The following FBXO31 variants were observed in gnomAD, a reference collection of about 807,000 sequenced individuals.
FBXO31 encodes the protein F-box only protein 31.
In FBXO31, 24 loss-of-function variants were observed where a neutral mutation model predicts 54.4. The ratio of observed to expected loss-of-function variants is 0.44; its 90% CI spans 0.32 to 0.62. The LOEUF is 0.62. Among genes scored for constraint, FBXO31 ranks in the 20% least tolerant of loss-of-function variants. The pLI is 0.05. For synonymous variants in FBXO31, 388 were observed against 335.6 expected, an observed-to-expected ratio of 1.16 and a Z score of -1.71; for missense variants, 665 against 787.1, an observed-to-expected ratio of 0.84 and a Z score of 1.86.
intron 1 of FBXO31, among the ~76,000 whole-genome samples, chr16:87,374,552 T>C (rs907478484): frequency 2.6e-5 from 4 of 152,204 alleles, no homozygotes; most frequent in African/African-American, 9.7e-5. Flanking sequence ...ACTGTCTGTA[T>C]AGGAAAAGGG....
intron 1 of FBXO31, among the ~76,000 whole-genome samples, chr16:87,366,013 T>C (rs557079732): frequency 1.3e-5 from 2 of 152,160 alleles, no homozygotes; most frequent in East Asian, 1.9e-4. Context: ...TGGGCAACAG[T>C]GTGAGACTGC....
chr16:87,343,757 G>T lies in FBXO31; in HGVS notation c.498C>A (p.Gly166=). The T allele has an allele frequency of 6.2e-7, 1 of 1,614,214 alleles. No individual in the cohort carries two copies. Among genetic ancestry groups the T allele is most frequent in the African/African-American group, 1.3e-5 (1 of 75,066 alleles). The part of the protein sequence containing the change: ...YGGLLNVVVD[G]LFIIGWMYLP... Reference sequence around the variant, plus strand: ...GGTACATCCACCCGATGATGAACAGGCCGTCCACCTACAGGAGGAGATGGG... The same window carrying T: ...GGTACATCCACCCGATGATGAACAGTCCGTCCACCTACAGGAGGAGATGGG... Residue 166 remains glycine, a synonymous_variant, in exon 4 of 9, where the codon GGC becomes GGA. Coordinates refer to ENST00000311635, the MANE Select transcript of FBXO31 (RefSeq NM_024735.5).
intron 2 of FBXO31, among the ~76,000 whole-genome samples, chr16:87,356,458 C>A (rs1019212755): frequency 1.3e-5 from 2 of 151,846 alleles, no homozygotes; most frequent in African/African-American, 4.8e-5. Context: ...GTTCCCCGTC[C>A]ACAGACTCCT....
chr16:87,351,102 AC>A (rs1218100934), intron 2 of FBXO31, among the ~76,000 whole-genome samples: 1 of 152,180 alleles, frequency 6.6e-6, no homozygotes, highest in Non-Finnish European at 1.5e-5. Context: ...CAGCGCACAG[AC>A]CCAGAGGGGA....
chr16:87,377,345 C>T (rs568419810), intron 1 of FBXO31, among the ~76,000 whole-genome samples: 47 of 152,226 alleles, frequency 3.1e-4, no homozygotes, highest in African/African-American at 1.1e-3. Flanking sequence ...ACTCAGGAGG[C>T]TGAGGTGGGA....
At chr16:87,377,688 G>C (rs937820612) in intron 1 of FBXO31, among the ~76,000 whole-genome samples, 19 of 151,662 alleles carry the variant, frequency 1.3e-4, no homozygotes, top group African/African-American at 4.6e-4. Flanking sequence ...AATTAGCTGG[G>C]TGTGGTGGTG....
chr16:87,332,639 C>T (rs998497510), intron 8 of FBXO31, among the ~76,000 whole-genome samples: 26 of 151,892 alleles, frequency 1.7e-4, no homozygotes, highest in Admixed American at 1.3e-3. Flanking sequence ...AAACCCCCTC[C>T]GGGAGCTGGA....
Position 87,383,314 on chromosome 16 carries a change from G to C in FBXO31, c.340+91C>G. On this transcript the variant is annotated intron_variant, in intron 1 of 8. Transcript: ENST00000311635. The surrounding 1 kb of genome is among the most constrained non-coding windows in gnomAD (Gnocchi z 4.9). ...CGCGCCCAACTGGTGGCCCCCGGCC[G>C]GGGCCACCGCCCCCGCCACTCCCAG... 3 of 1,222,924 alleles carry C rather than the reference G, an allele frequency of 2.5e-6. No homozygotes were observed. The highest frequency in any genetic ancestry group is 3.2e-6 in the Non-Finnish European group (3 of 924,662). 75.8% of individuals were successfully genotyped at this position (1,222,924 alleles called of 1,614,324 possible).
Position 87,347,223 on chromosome 16 carries a change from C to T in FBXO31, c.440G>A (p.Gly147Glu), listed in dbSNP as rs1905428382. 6.2e-7 allele frequency: 1 copy of T among 1,614,012 alleles called. No homozygotes were observed. Among genetic ancestry groups the T allele is most frequent in the Admixed American group, 1.7e-5 (1 of 59,992 alleles). ...KLLHRYRHIL[G>E]LWQPDIGPYG... ...TGGCCCGATATCTGGCTGCCACAAT[C>T]CCAAAATGTGTCTATATCGGTGAAG... Residue 147 changes from glycine to glutamate, a missense_variant, in exon 3 of 9, where the codon GGA becomes GAA. By Grantham distance (98) the Gly-to-Glu change is moderately conservative. This residue lies in a region of FBXO31 where 234 missense variants were observed against 346.8 expected (regional missense o/e 0.67). Transcript: ENST00000311635.
chr16:87,383,574 GC>G lies in FBXO31; in HGVS notation c.170del (p.Gly57AlafsTer104). 6.6e-7 allele frequency: 1 copy of G among 1,508,396 alleles called. No homozygotes were observed. Among genetic ancestry groups the G allele is most frequent in the South Asian group, 1.3e-5 (1 of 79,892 alleles). The allele number at this position is 1,508,396 out of a possible 1,614,324, so 93.4% of individuals were successfully genotyped here. ...AGCAGCGCGGGGGCGGCGGCGAGGG[GC>G]CCGCGCACAAGCCGCCCCCGACCCC... ...SAGVGGGLCA[G>X]PSPPPPRCSL... On this transcript the variant is annotated frameshift_variant, in exon 1 of 9. Coordinates refer to ENST00000311635, the MANE Select transcript of FBXO31 (RefSeq NM_024735.5). LOFTEE classifies it high-confidence loss of function. This position sits in a 1 kb window ranked among gnomAD's most constrained non-coding sequence, Gnocchi z 4.9.
In FBXO31 at chr16:87,336,347, G is replaced by A. The variant is rs1438869014; in HGVS notation, c.733-83C>T. The A allele has an allele frequency of 1.1e-5, 14 of 1,238,704 alleles. No homozygotes were observed. Among genetic ancestry groups the A allele is most frequent in the Non-Finnish European group, 1.3e-5 (11 of 851,254 alleles). 76.7% of individuals were successfully genotyped at this position (1,238,704 alleles called of 1,614,324 possible). A position where few individuals can be genotyped will look rare whatever the true frequency, so the allele number is the denominator to read the frequency against. On this transcript the variant is annotated intron_variant, in intron 5 of 8. Coordinates refer to ENST00000311635, the MANE Select transcript of FBXO31 (RefSeq NM_024735.5). This position sits in a 1 kb window ranked among gnomAD's most constrained non-coding sequence, Gnocchi z 6.5. Reference sequence around the variant, plus strand: ...CCGGCTGTGCCGCTGAGAGGACACAGTGTGTCCTTCTTTGTCAGTGCACAG... The same window carrying A: ...CCGGCTGTGCCGCTGAGAGGACACAATGTGTCCTTCTTTGTCAGTGCACAG...
upstream of FBXO31, among the ~76,000 whole-genome samples, chr16:87,390,145 G>C (rs574266336): frequency 6.6e-6 from 1 of 152,272 alleles, no homozygotes; most frequent in Admixed American, 6.5e-5. Flanking sequence ...GCTGGGCGTG[G>C]TGGCAGGCAC....
In FBXO31 at chr16:87,331,469, C is replaced by A; in HGVS notation, c.1439G>T (p.Ser480Ile). The A allele has an allele frequency of 6.2e-7, 1 of 1,612,218 alleles. No individual in the cohort carries two copies. Among genetic ancestry groups the A allele is most frequent in the Admixed American group, 1.7e-5 (1 of 59,962 alleles). The change falls in exon 9 of 9, where the codon AGC becomes ATC. Residue 480 changes from serine to isoleucine, a missense_variant. Ser to Ile is a moderately radical substitution (Grantham distance 142). This residue lies in a region of FBXO31 where 71 missense variants were observed against 105.8 expected (regional missense o/e 0.67). Transcript: ENST00000311635. ...TGLIAGHGFT[S>I]PERTPGVFIL... ...GAAGACCCCGGGGGTGCGTTCAGGG[C>A]TGGTGAAGCCGTGGCCCGCGATGAG...
At chr16:87,340,536 G>C (rs1905159886) in intron 5 of FBXO31, among the ~76,000 whole-genome samples, 1 of 152,248 alleles carries the variant, frequency 6.6e-6, no homozygotes. Context: ...AACGGAACCA[G>C]ACACAGACAC....
Position 87,332,321 on chromosome 16 carries a change from C to T in FBXO31, c.1398-811G>A, listed in dbSNP as rs924857784. On this transcript the variant is annotated intron_variant, in intron 8 of 8. Transcript: ENST00000311635. ...GATCCATAAACTAGACAGGGAAGGG[C>T]CCGGGAGCCCCCATATTCAGCACGT... Among the ~76,000 whole-genome samples the T allele has an allele frequency of 5.3e-5, 8 of 152,284 alleles. No individual in the cohort carries two copies. In the East Asian group the frequency reaches 1.2e-3, roughly 22 times the overall value.
At chr16:87,380,440 C>T (rs959929481) in intron 1 of FBXO31, among the ~76,000 whole-genome samples, 2 of 151,794 alleles carry the variant, frequency 1.3e-5, no homozygotes, top group African/African-American at 4.8e-5. Context: ...CTCACTCTGT[C>T]ACCCGGACTG....
At chr16:87,371,263 G>T (rs960194072) in intron 1 of FBXO31, among the ~76,000 whole-genome samples, 15 of 152,184 alleles carry the variant, frequency 9.9e-5, no homozygotes, top group African/African-American at 3.6e-4. Flanking sequence ...TAGCCATGTG[G>T]ACAGGAGACT....
At chr16:87,387,306 TA>T (rs1382507324), upstream of FBXO31, among the ~76,000 whole-genome samples, 3 of 152,132 alleles carry the variant, frequency 2.0e-5, no homozygotes, top group African/African-American at 7.2e-5. Flanking sequence ...ATGTATCCTT[TA>T]AAGAATAAGG....
At chr16:87,370,838 G>C (rs1001531760) in intron 1 of FBXO31, among the ~76,000 whole-genome samples, 5 of 152,198 alleles carry the variant, frequency 3.3e-5, no homozygotes, top group Non-Finnish European at 7.3e-5. Flanking sequence ...GACTGCGTTT[G>C]TACTTGCGCT....
Sources: gnomAD v4.1 joint callset for allele counts (sites outside exome capture counted in the v4.1 genomes callset) on GRCh38, gnomAD v4.1.1 for gene constraint, gnomAD v4.1.1 regional missense constraint, Gnocchi (gnomAD v3.1) non-coding constraint, MANE v1.5 for transcripts, NCBI Gene and HGNC (gene_info 2026-07-23, HGNC 2026-07-21) for gene names.